The following HYDIN variants were observed in gnomAD, a reference collection of about 807,000 sequenced individuals.
HYDIN encodes HYDIN axonemal central pair apparatus protein.
Under a neutral mutation model 403.9 loss-of-function variants are expected in HYDIN, and 132 were observed. The ratio of observed to expected loss-of-function variants is 0.33; its 90% CI spans 0.28 to 0.38. The LOEUF is 0.38. Among genes scored for constraint, HYDIN ranks in the 10% least tolerant of loss-of-function variants. The pLI, the probability that HYDIN is intolerant of heterozygous loss-of-function variation, is 1.00. For synonymous variants in HYDIN, 1,202 were observed against 1,891.7 expected, an observed-to-expected ratio of 0.64 and a Z score of 9.46; for missense variants, 2,827 against 5,009.5, an observed-to-expected ratio of 0.56 and a Z score of 13.15.
intron 50 of HYDIN, among the ~76,000 whole-genome samples, chr16:70,906,213 G>C (rs982386294): frequency 1.7e-4 from 26 of 152,014 alleles, no homozygotes; most frequent in Non-Finnish European, 3.5e-4. Flanking sequence ...CCCCAATTCT[G>C]CCTAAAAATC....
intron 84 of HYDIN, 44 bp downstream of exon 84, chr16:70,818,298 C>T (rs1403306955): frequency 7.4e-7 from 1 of 1,349,936 alleles, no homozygotes; most frequent in African/African-American, 1.4e-5. Flanking sequence ...GTGGAAGCCA[C>T]TCTCACAGCT....
chr16:71,224,606 G>A (rs1472265489), intron 1 of HYDIN, among the ~76,000 whole-genome samples: 2 of 138,784 alleles, frequency 1.4e-5, no homozygotes, highest in Non-Finnish European at 3.0e-5. Context: ...CTGTCGCCCA[G>A]GCTGGAGTGC....
At chr16:70,901,875 C>T (rs936514605) in intron 52 of HYDIN, among the ~76,000 whole-genome samples, 2 of 152,190 alleles carry the variant, frequency 1.3e-5, no homozygotes, top group Admixed American at 6.5e-5. Flanking sequence ...TGAGCCACTG[C>T]ACCCGGCCAA....
chr16:70,883,759 C>T (rs528245506), intron 59 of HYDIN, among the ~76,000 whole-genome samples, 161 bp downstream of exon 59: 9 of 152,218 alleles, frequency 5.9e-5, no homozygotes, highest in South Asian at 4.2e-4. Context: ...TTAGTAGAGA[C>T]GGGGTTTTGC....
intron 44 of HYDIN, among the ~76,000 whole-genome samples, chr16:70,937,481 T>A (rs1774362): frequency 1.3e-5 from 2 of 151,684 alleles, no homozygotes; most frequent in African/African-American, 4.8e-5. Flanking sequence ...GATGAAAACC[T>A]GTCTCTACTA....
intron 50 of HYDIN, among the ~76,000 whole-genome samples, chr16:70,906,839 T>C (rs1019282065): frequency 9.2e-5 from 14 of 152,238 alleles, no homozygotes; most frequent in Admixed American, 5.9e-4. Context: ...CCATGTCCTC[T>C]CTTCATGGCT....
chr16:71,152,808 A>C (rs764733921), intron 6 of HYDIN, 25 bp from the exon 7 acceptor site: 6 of 1,576,666 alleles, frequency 3.8e-6, no homozygotes, highest in Non-Finnish European at 5.2e-6. Flanking sequence ...GAGGCACATC[A>C]TCAGAGCATA....
At chr16:70,904,834 T>C (rs2076490809) in intron 50 of HYDIN, among the ~76,000 whole-genome samples, 1 of 151,102 alleles carries the variant, frequency 6.6e-6, no homozygotes, top group African/African-American at 2.4e-5. Context: ...CACATCTGTT[T>C]TAGAGATGAC....
chr16:70,878,150 GATAGTGA>G (rs1176832964), intron 62 of HYDIN, among the ~76,000 whole-genome samples: 1 of 152,142 alleles, frequency 6.6e-6, no homozygotes, highest in East Asian at 1.9e-4. Flanking sequence ...CTGTTCTCCT[GATAGTGA>G]ATAAGTCTCA....
intron 39 of HYDIN, among the ~76,000 whole-genome samples, chr16:70,958,584 T>A (rs1005660335): frequency 2.0e-5 from 3 of 152,110 alleles, no homozygotes; most frequent in Non-Finnish European, 4.4e-5. Flanking sequence ...TTCAAAACAT[T>A]TCCAGTTATG....
At chr16:70,859,760 C>T (rs568292995) in intron 71 of HYDIN, among the ~76,000 whole-genome samples, 334 of 152,254 alleles carry the variant, frequency 2.2e-3, no homozygotes, top group Middle Eastern at 0.017. Context: ...TTATGCTACT[C>T]TATGAGTCCT....
intron 10 of HYDIN, among the ~76,000 whole-genome samples, chr16:71,097,764 G>C (rs924516960): frequency 6.0e-5 from 9 of 149,644 alleles, no homozygotes; most frequent in Non-Finnish European, 1.3e-4. Context: ...TCTAAGGAAA[G>C]AGGATATATT....
At chr16:70,897,355 T>C (rs1325036900) in intron 53 of HYDIN, among the ~76,000 whole-genome samples, 4 of 152,216 alleles carry the variant, frequency 2.6e-5, no homozygotes, top group African/African-American at 7.2e-5. Flanking sequence ...CCACTCCCTA[T>C]TGCATGTGCT....
At chr16:71,201,045 T>C (rs1017352304) in intron 1 of HYDIN, among the ~76,000 whole-genome samples, 5 of 152,230 alleles carry the variant, frequency 3.3e-5, no homozygotes, top group African/African-American at 1.2e-4. Context: ...AGATCTCAGC[T>C]GAAACAGCAC....
chr16:71,136,487 G>A (rs538712255), intron 8 of HYDIN, among the ~76,000 whole-genome samples: 296 of 151,518 alleles, frequency 2.0e-3, no homozygotes, highest in Non-Finnish European at 2.9e-3. Context: ...CAACCTGGCC[G>A]GGCATGGTGG....
chr16:70,819,899 C>T (rs2036119351), intron 83 of HYDIN, among the ~76,000 whole-genome samples: 1 of 151,720 alleles, frequency 6.6e-6, no homozygotes, highest in East Asian at 1.9e-4. Context: ...GCTCTGCCTC[C>T]CGGGTTCACG....
At chr16:70,943,787 C>T (rs1416123710) in intron 42 of HYDIN, 25 bp downstream of exon 42, 1 of 1,607,506 alleles carries the variant, frequency 6.2e-7, no homozygotes, top group African/African-American at 1.3e-5. Flanking sequence ...AGCCCTGCAG[C>T]TCTGTGCAGG....
intron 77 of HYDIN, among the ~76,000 whole-genome samples, chr16:70,837,196 C>A (rs1284612033): frequency 1.3e-5 from 2 of 152,100 alleles, no homozygotes; most frequent in Non-Finnish European, 2.9e-5. Context: ...ATGCCTTGAA[C>A]CAAATATCAT....
At chr16:70,983,503 CTT>C (rs1392819216) in intron 28 of HYDIN, among the ~76,000 whole-genome samples, 1 of 86,588 alleles carries the variant, frequency 1.2e-5, no homozygotes, top group Non-Finnish European at 1.9e-5. Flanking sequence ...ATATACCACT[CTT>C]GAGTCTTAGA....
Sources: gnomAD v4.1 joint callset for allele counts (sites outside exome capture counted in the v4.1 genomes callset) on GRCh38, gnomAD v4.1.1 for gene constraint, MANE v1.5 for transcripts, NCBI Gene and HGNC (gene_info 2026-07-23, HGNC 2026-07-21) for gene names.